The following NFATC3 variants were observed in gnomAD, a reference collection of about 807,000 sequenced individuals.
NFATC3 encodes the protein nuclear factor of activated T-cells, cytoplasmic 3.
In NFATC3, 46 loss-of-function variants were observed where a neutral mutation model predicts 98.6. The observed-to-expected ratio is 0.47, with a 90% confidence interval of 0.37 to 0.60. The LOEUF (loss-of-function observed/expected upper bound fraction) is 0.60, where lower values mean the gene tolerates loss of function less well. Among genes scored for constraint, NFATC3 ranks in the 20% least tolerant of loss-of-function variants. The pLI is 0.00. For missense variants in NFATC3, 1,256 were observed against 1,295.5 expected, an observed-to-expected ratio of 0.97 and a Z score of 0.47; for synonymous variants, 512 against 472.2, an observed-to-expected ratio of 1.08 and a Z score of -1.09.
At position 68,174,479 on chromosome 16, in the gene NFATC3, C is replaced by A; in HGVS notation, c.1880C>A (p.Pro627Gln). The stretch of plus-strand genomic sequence containing the variant: ...GTTGTGACTGGATCTAATTTTCTTC[C>A]AGAATCCAAAATCATTTTTCTTGAA... Reference protein sequence around the residue: ...EMVVTGSNFLPESKIIFLEKG... With the variant: ...EMVVTGSNFLQESKIIFLEKG... The change falls in exon 6 of 10, where the codon CCA becomes CAA. Residue 627 changes from proline to glutamine, a missense_variant. Physicochemically the swap from Pro to Gln is moderately conservative, Grantham distance 76 (BLOSUM62 -1). This residue lies in a region of NFATC3 where 636 missense variants were observed against 617.3 expected (regional missense o/e 1.03). Transcript: ENST00000346183. The A allele has an allele frequency of 6.2e-7, 1 of 1,603,094 alleles. No homozygotes were observed. The highest frequency in any genetic ancestry group is 2.2e-5 in the East Asian group (1 of 44,466).
chr16:68,190,675 C>T (rs1177137050), intron 8 of NFATC3, 93 bp from the exon 9 acceptor site: 1 of 1,350,356 alleles, frequency 7.4e-7, no homozygotes, highest in East Asian at 2.3e-5. Flanking sequence ...TGCCCCTCAG[C>T]TTACGCTGTA....
chr16:68,128,969 C>G (rs990807070), intron 3 of NFATC3, among the ~76,000 whole-genome samples: 4 of 151,208 alleles, frequency 2.6e-5, no homozygotes, highest in South Asian at 4.2e-4. Flanking sequence ...TGTGGCACAC[C>G]CTTGTAGTCC....
intron 3 of NFATC3, among the ~76,000 whole-genome samples, chr16:68,150,434 A>C (rs2151559764): frequency 6.6e-6 from 1 of 150,706 alleles, no homozygotes; most frequent in African/African-American, 2.4e-5. Context: ...AAAAAAAAAA[A>C]AGCTAGGTTT....
At chr16:68,180,063 T>C (rs2039888926) in intron 6 of NFATC3, among the ~76,000 whole-genome samples, 1 of 152,184 alleles carries the variant, frequency 6.6e-6, no homozygotes, top group South Asian at 2.1e-4. Flanking sequence ...AGAGCCTCAG[T>C]CATTCTGTAC....
chr16:68,216,195 A>G (rs1259080769), intron 9 of NFATC3, among the ~76,000 whole-genome samples: 1 of 152,138 alleles, frequency 6.6e-6, no homozygotes, highest in African/African-American at 2.4e-5. Context: ...TGGCCCTTAG[A>G]GATAGATTTG....
At chr16:68,197,879 A>C (rs974753151) in intron 9 of NFATC3, among the ~76,000 whole-genome samples, 1 of 152,152 alleles carries the variant, frequency 6.6e-6, no homozygotes, top group Non-Finnish European at 1.5e-5. Flanking sequence ...TAATTTTTGA[A>C]GTTTTTAAGT....
chr16:68,109,400 A>G (rs547250495), intron 1 of NFATC3, among the ~76,000 whole-genome samples: 1 of 152,346 alleles, frequency 6.6e-6, no homozygotes, highest in Non-Finnish European at 1.5e-5. Flanking sequence ...ATGTTGAACC[A>G]GCCTTGCATT....
intron 2 of NFATC3, among the ~76,000 whole-genome samples, chr16:68,124,762 C>CA (rs1302109030): frequency 6.8e-6 from 1 of 146,888 alleles, no homozygotes; most frequent in Non-Finnish European, 1.5e-5. Flanking sequence ...GACGGAATCT[C>CA]ACTGTCGCCC....
intron 1 of NFATC3, among the ~76,000 whole-genome samples, chr16:68,102,992 AT>A (rs2035452646): frequency 6.6e-6 from 1 of 151,972 alleles, no homozygotes; most frequent in South Asian, 2.1e-4. Context: ...CATGTTGGTC[AT>A]TTGTATATCT....
intron 1 of NFATC3, among the ~76,000 whole-genome samples, chr16:68,105,283 G>T (rs1295691395): frequency 6.6e-6 from 1 of 151,776 alleles, no homozygotes; most frequent in South Asian, 2.1e-4. Context: ...TAGAGACAGG[G>T]TTTCACAATG....
chr16:68,164,142 G>A (rs569519989), intron 4 of NFATC3, among the ~76,000 whole-genome samples: 40 of 152,374 alleles, frequency 2.6e-4, no homozygotes, highest in Non-Finnish European at 4.1e-4. Flanking sequence ...GACTCCGTCT[G>A]CAATCCCAGC....
In NFATC3 at chr16:68,107,730, TATA is replaced by T. The variant is rs531308268; in HGVS notation, c.104-14236_104-14234del. ...AGAGTGAGACACTGTATCAAAAAAA[TATA>T]ATAATAATAATAATAATAATTTCCT... On this transcript the variant is annotated intron_variant, in intron 1 of 9. Transcript: ENST00000346183. 3.0e-3 allele frequency among the ~76,000 whole-genome samples: 457 copies of T among 150,754 alleles called. 1 individual carries two copies. Among genetic ancestry groups the T allele is most frequent in the South Asian group, 5.9e-3 (28 of 4,762 alleles).
chr16:68,087,729 C>T (rs554902731), intron 1 of NFATC3, among the ~76,000 whole-genome samples: 2 of 152,146 alleles, frequency 1.3e-5, no homozygotes, highest in African/African-American at 2.4e-5. Flanking sequence ...CTCCCAACCC[C>T]TAGTAGCCAC....
intron 1 of NFATC3, among the ~76,000 whole-genome samples, chr16:68,098,389 A>G (rs930186873): frequency 4.1e-5 from 6 of 147,376 alleles, no homozygotes; most frequent in Admixed American, 2.1e-4. Context: ...CAACCTCCCA[A>G]CTCCCTCGTT....
At chr16:68,176,189 G>A (rs2039694565) in intron 6 of NFATC3, among the ~76,000 whole-genome samples, 1 of 152,082 alleles carries the variant, frequency 6.6e-6, no homozygotes, top group Non-Finnish European at 1.5e-5. Flanking sequence ...TATTGGCCAG[G>A]CTGGTCTCTA....
chr16:68,125,031 A>G (rs1455997306), intron 2 of NFATC3, among the ~76,000 whole-genome samples: 1 of 152,140 alleles, frequency 6.6e-6, no homozygotes, highest in Middle Eastern at 3.2e-3. Flanking sequence ...GCGCCCGGCC[A>G]ATGCTTTTTT....
At chr16:68,107,974 C>A (rs1446338170) in intron 1 of NFATC3, among the ~76,000 whole-genome samples, 1 of 150,616 alleles carries the variant, frequency 6.6e-6, no homozygotes, top group East Asian at 1.9e-4. Flanking sequence ...GATATTAGAC[C>A]TTAGTCAGAT....
intron 4 of NFATC3, among the ~76,000 whole-genome samples, chr16:68,164,087 G>A (rs902937808): frequency 6.6e-6 from 1 of 152,154 alleles, no homozygotes; most frequent in East Asian, 1.9e-4. Context: ...CCGAGATCAC[G>A]CCACTGCACT....
At chr16:68,131,360 C>G (rs1289086677) in intron 3 of NFATC3, among the ~76,000 whole-genome samples, 1 of 152,152 alleles carries the variant, frequency 6.6e-6, no homozygotes, top group Non-Finnish European at 1.5e-5. Context: ...TCACTGCAGC[C>G]TCTGCCTTCC....
Sources: allele counts gnomAD v4.1 joint callset (sites outside exome capture counted in the v4.1 genomes callset), GRCh38; gene constraint gnomAD v4.1.1; regional missense constraint gnomAD v4.1.1; transcripts MANE v1.5; gene names NCBI Gene and HGNC (gene_info 2026-07-23, HGNC 2026-07-21).